Variants in NCOR2 observed in about 807,000 individuals in gnomAD.
The protein encoded by NCOR2 is nuclear receptor corepressor 2, also known as CTG repeat protein 26.
A neutral mutation model predicts 262.9 loss-of-function variants in NCOR2; 81 were observed. That is an observed-to-expected ratio of 0.31 (90% CI 0.26 to 0.37). NCOR2 has a LOEUF of 0.37. NCOR2 is among the 10% of genes least tolerant of loss of function. The probability of loss-of-function intolerance (pLI) is 1.00; values close to 1 mark genes in which losing one functional copy is unlikely to be tolerated. For synonymous variants in NCOR2, 1,659 were observed against 1,559.3 expected, an observed-to-expected ratio of 1.06 and a Z score of -1.51; for missense variants, 3,385 against 3,621.4, an observed-to-expected ratio of 0.93 and a Z score of 1.68.
intron 45 of NCOR2, 138 bp downstream of exon 47, chr12:124,327,271 C>G (rs1457602185): frequency 2.8e-6 from 2 of 716,924 alleles, no homozygotes; most frequent in South Asian, 1.8e-5. Flanking sequence ...AACTCCAGAA[C>G]GAGGTCAAAC....
At chr12:124,333,279 C>A in exon 42 of NCOR2, 2 of 1,599,660 alleles carry the variant, frequency 1.3e-6, no homozygotes, top group South Asian at 1.1e-5. Flanking sequence ...GCTCTGGAGA[C>A]CTGGATGGAG....
chr12:124,545,448 C>T (rs1204963197), intron 1 of NCOR2, among the ~76,000 whole-genome samples: 1 of 152,176 alleles, frequency 6.6e-6, no homozygotes, highest in Non-Finnish European at 1.5e-5. Context: ...CCCCATGGGT[C>T]CCCATCAGCT....
chr12:124,347,418 AG>A (rs2037027248), intron 30 of NCOR2: 1 of 196,098 alleles, frequency 5.1e-6, no homozygotes, highest in Non-Finnish European at 1.0e-5. Flanking sequence ...AAACCCACAA[AG>A]CTGCCAAGTT....
intron 13 of NCOR2, among the ~76,000 whole-genome samples, chr12:124,419,400 G>C (rs1163083850): frequency 6.6e-6 from 1 of 152,176 alleles, no homozygotes; most frequent in Non-Finnish European, 1.5e-5. Context: ...AAGAACAGAT[G>C]GTGGGCCGGA....
chr12:124,349,748 C>A (rs2037275150), intron 28 of NCOR2, among the ~76,000 whole-genome samples: 1 of 152,198 alleles, frequency 6.6e-6, no homozygotes, highest in East Asian at 1.9e-4. Context: ...AGGTGGGACT[C>A]TACCCAGTGA....
chr12:124,405,130 T>G (rs74928912), intron 13 of NCOR2, among the ~76,000 whole-genome samples: 4 of 152,080 alleles, frequency 2.6e-5, no homozygotes, highest in South Asian at 2.1e-4. Flanking sequence ...CTCCAGACTC[T>G]ACAAGCCCCG....
intron 1 of NCOR2, among the ~76,000 whole-genome samples, chr12:124,513,046 G>A (rs1012291113): frequency 3.3e-5 from 5 of 152,194 alleles, no homozygotes; most frequent in African/African-American, 1.2e-4. Context: ...GCGAGACCCT[G>A]GAAGGAGGCA....
intron 20 of NCOR2, among the ~76,000 whole-genome samples, chr12:124,365,441 A>C (rs1315298378): frequency 6.6e-6 from 1 of 152,200 alleles, no homozygotes; most frequent in Non-Finnish European, 1.5e-5. Context: ...CCTGCAGATG[A>C]GCAGGGCCGA....
intron 44 of NCOR2, chr12:124,329,273 C>G: frequency 2.6e-6 from 1 of 386,408 alleles, no homozygotes; most frequent in Non-Finnish European, 5.2e-6. Context: ...ATCAGCCTGG[C>G]CAATATGATG....
At chr12:124,333,896 GCGCGCGCA>G (rs2035554856) in intron 41 of NCOR2, among the ~76,000 whole-genome samples, 5 of 63,518 alleles carry the variant, frequency 7.9e-5, no homozygotes, top group South Asian at 1.3e-3. Context: ...ATGTGTGTGT[GCGCGCGCA>G]TGTGTGCGGG....
intron 1 of NCOR2, chr12:124,561,981 AC>A (rs2052088080): frequency 1.3e-5 from 2 of 152,138 alleles, no homozygotes; most frequent in South Asian, 4.1e-4. Context: ...GTACCACTGC[AC>A]TCCAGCCTTG....
chr12:124,479,897 C>T (rs1376571268), intron 3 of NCOR2, among the ~76,000 whole-genome samples: 1 of 152,178 alleles, frequency 6.6e-6, no homozygotes, highest in Non-Finnish European at 1.5e-5. Flanking sequence ...AGCCTGGGGC[C>T]GTCTACAAAA....
chr12:124,509,873 G>A (rs1246690025), intron 1 of NCOR2, among the ~76,000 whole-genome samples: 2 of 151,922 alleles, frequency 1.3e-5, no homozygotes, highest in African/African-American at 2.4e-5. Context: ...CCCGACGGCC[G>A]CCCCCCACAG....
chr12:124,418,705 A>G (rs992552115), intron 13 of NCOR2, among the ~76,000 whole-genome samples: 1 of 152,186 alleles, frequency 6.6e-6, no homozygotes, highest in African/African-American at 2.4e-5. Flanking sequence ...AGGTTTGTCC[A>G]AAGAAGATGG....
chr12:124,358,284 TGTATGTGCAC>T (rs1289007412), intron 22 of NCOR2, among the ~76,000 whole-genome samples: 2 of 147,528 alleles, frequency 1.4e-5, no homozygotes, highest in Non-Finnish European at 3.0e-5. Context: ...CTGTGATGTG[TGTATGTGCAC>T]GTGCACGTGT....
intron 16 of NCOR2, among the ~76,000 whole-genome samples, chr12:124,386,102 G>C (rs906161551): frequency 6.6e-6 from 1 of 152,200 alleles, no homozygotes; most frequent in East Asian, 1.9e-4. Flanking sequence ...TCTGGGGTCT[G>C]GTTTCTCAGT....
At chr12:124,374,447 C>A (rs774662162) in exon 19 of NCOR2, 2 of 1,612,762 alleles carry the variant, frequency 1.2e-6, no homozygotes, top group East Asian at 4.5e-5. Flanking sequence ...GCACCTCATT[C>A]CCAGAGGCAT....
Position 124,333,120 on chromosome 12 carries a change from A to C in NCOR2, c.6755+10T>G. The C allele has an allele frequency of 2.5e-6, 4 of 1,594,250 alleles. No homozygotes were observed. Among genetic ancestry groups the C allele is most frequent in the African/African-American group, 1.3e-5 (1 of 74,508 alleles). ...CATCCCGGGGGCAGCGCATGTGCCCACAGAAGTACCTGGGCTCCGTCTGTT... is the reference window on the plus strand; with the variant it reads ...CATCCCGGGGGCAGCGCATGTGCCCCCAGAAGTACCTGGGCTCCGTCTGTT... On this transcript the variant is annotated intron_variant, in intron 42 of 46. Coordinates refer to ENST00000405201, the Ensembl canonical transcript of NCOR2.
intron 8 of NCOR2, among the ~76,000 whole-genome samples, chr12:124,433,126 CCCA>C (rs1457349392): frequency 6.6e-6 from 1 of 152,198 alleles, no homozygotes; most frequent in Admixed American, 6.5e-5. Context: ...CATGACGGTC[CCCA>C]CGAGGTGGCC....
Sources: gnomAD v4.1 joint callset for allele counts (sites outside exome capture counted in the v4.1 genomes callset) on GRCh38, gnomAD v4.1.1 for gene constraint, MANE v1.5 for transcripts, NCBI Gene and HGNC (gene_info 2026-07-23, HGNC 2026-07-21) for gene names.